The following EED variants were observed in gnomAD, a reference collection of about 807,000 sequenced individuals.
EED encodes the protein embryonic ectoderm development.
EED carries 9 observed loss-of-function variants against 61.0 expected under a neutral mutation model. That is an observed-to-expected ratio of 0.15 (90% CI 0.09 to 0.26). The LOEUF is 0.26. EED is among the 10% of genes least tolerant of loss of function. The pLI, the probability that EED is intolerant of heterozygous loss-of-function variation, is 1.00. For missense variants in EED, 315 were observed against 542.3 expected (o/e 0.58, Z 4.16); for synonymous variants, 187 against 174.4 (o/e 1.07, Z -0.57).
chr11:86,267,683 C>T (rs1162269810), intron 8 of EED, among the ~76,000 whole-genome samples: 2 of 151,904 alleles, frequency 1.3e-5, no homozygotes, highest in Non-Finnish European at 2.9e-5. Flanking sequence ...TCACTGCAAC[C>T]TCTGCCTCGC....
rs1378723828 is a variant in EED at position 86,254,716 on chromosome 11, G to A, written c.361-506G>A. On this transcript the variant is annotated intron_variant, in intron 3 of 11. Coordinates refer to ENST00000263360, the MANE Select transcript of EED (RefSeq NM_003797.5). The stretch of plus-strand genomic sequence containing the variant: ...CGGCTCACTGCAACCTCCGCCTCCC[G>A]GGTTCAAGTGATTCACCAGCCTCAG... Among the ~76,000 whole-genome samples the A allele has an allele frequency of 6.6e-5, 10 of 151,936 alleles. No homozygotes were observed. In the East Asian group the frequency reaches 1.4e-3, roughly 21 times the overall value.
chr11:86,252,446 A>G (rs1419912321), intron 3 of EED, among the ~76,000 whole-genome samples: 2 of 151,576 alleles, frequency 1.3e-5, no homozygotes, highest in African/African-American at 4.8e-5. Flanking sequence ...ATTACCCCTA[A>G]TTATTTATGA....
At chr11:86,256,635 T>A in intron 5 of EED, 123 bp downstream of exon 5, 2 of 1,015,402 alleles carry the variant, frequency 2.0e-6, no homozygotes, top group Non-Finnish European at 2.6e-6. Context: ...TGTACTTTTC[T>A]TACTGCTCTC....
rs776117763 is a variant in EED at position 86,255,276 on chromosome 11, G to A, written c.415G>A (p.Val139Met). 4.4e-6 allele frequency: 7 copies of A among 1,609,190 alleles called. No homozygotes were observed. The highest frequency in any genetic ancestry group is 3.3e-5 in the Admixed American group (2 of 59,960). ...AGAAATCCGGTTGTTGCAATCTTAC[G>A]TGGATGCTGATGTATCCTTTCCTGG... ...QGEIRLLQSYVDADADENFYT... is the reference protein window; with the variant it reads ...QGEIRLLQSYMDADADENFYT... Residue 139 changes from valine (V) to methionine (M), a missense_variant, in exon 4 of 12, where the codon GTG becomes ATG. Around this residue, in one of 2 missense-constraint regions of EED, gnomAD observed 205 missense variants for 455.4 expected, o/e 0.45. Coordinates refer to ENST00000263360, the MANE Select transcript of EED (RefSeq NM_003797.5).
intron 1 of EED, among the ~76,000 whole-genome samples, chr11:86,248,770 G>C (rs769872508): frequency 6.6e-6 from 1 of 152,136 alleles, no homozygotes; most frequent in Non-Finnish European, 1.5e-5. Flanking sequence ...TGTAATCCCA[G>C]CACTTTAGGT....
At chr11:86,271,306 T>G (rs1946106094) in intron 9 of EED, among the ~76,000 whole-genome samples, 1 of 152,202 alleles carries the variant, frequency 6.6e-6, no homozygotes, top group African/African-American at 2.4e-5. Flanking sequence ...TTTTATATTT[T>G]TATTTTCCAT....
chr11:86,268,594 C>CAT lies in EED; in HGVS notation c.966+33_966+34insAT. On this transcript the variant is annotated intron_variant, in intron 9 of 11. Coordinates refer to ENST00000263360, the MANE Select transcript of EED (RefSeq NM_003797.5). ...AACTGCAGTTAAGCTGTACTTCCAT[C>CAT]GTGTGTGTGTGTGTGTGTGTGTGTG... 3.7e-6 allele frequency: 3 copies of CAT among 819,598 alleles called. No individual in the cohort carries two copies. In the Admixed American group the frequency reaches 7.2e-5, roughly 20 times the overall value. 50.8% of individuals were successfully genotyped at this position (819,598 alleles called of 1,614,324 possible).
chr11:86,265,275 A>C (rs183635123), intron 7 of EED: 3 of 152,324 alleles, frequency 2.0e-5, no homozygotes, highest in Non-Finnish European at 2.9e-5. Context: ...GGATTAACAT[A>C]TAGTATCTAG....
chr11:86,266,663 T>C (rs1357424532), intron 8 of EED, among the ~76,000 whole-genome samples: 1 of 152,108 alleles, frequency 6.6e-6, no homozygotes, highest in African/African-American at 2.4e-5. Flanking sequence ...TTCATGATAA[T>C]GTTTTTCCCT....
At chr11:86,281,900 T>C (rs1272893520), downstream of EED, among the ~76,000 whole-genome samples, 1 of 152,210 alleles carries the variant, frequency 6.6e-6, no homozygotes, top group Non-Finnish European at 1.5e-5. Flanking sequence ...CACAGTGTCT[T>C]AGGAAAGATA....
At chr11:86,278,199 A>AT in intron 11 of EED, 200 bp from the exon 12 acceptor site, 1 of 1,320,986 alleles carries the variant, frequency 7.6e-7, no homozygotes, top group Non-Finnish European at 9.7e-7. Context: ...GTTTTTATAC[A>AT]AATTATGTAG....
chr11:86,272,511 G>A (rs554018385), intron 9 of EED, among the ~76,000 whole-genome samples: 4 of 152,178 alleles, frequency 2.6e-5, no homozygotes, highest in East Asian at 1.9e-4. Context: ...TGTTGTATAA[G>A]TGTTTAATTG....
chr11:86,252,514 C>CTT lies in EED; in HGVS notation c.360+288_360+289dup, dbSNP rs369772003. ...ATACTTGGTTGAAAGAATTGGCGTC[C>CTT]TTTTTTTTTTTTTTTAATTGGCGTT... On this transcript the variant is annotated intron_variant, in intron 3 of 11. Coordinates refer to ENST00000263360, the MANE Select transcript of EED (RefSeq NM_003797.5). Among the ~76,000 whole-genome samples the CTT allele has an allele frequency of 4.6e-4, 63 of 138,184 alleles. 1 individual carries two copies. The highest frequency in any genetic ancestry group is 4.2e-4 in the East Asian group (2 of 4,738). 90.7% of individuals were successfully genotyped at this position (138,184 alleles called of 152,430 possible). A position where few individuals can be genotyped will look rare whatever the true frequency, so the allele number is the denominator to read the frequency against.
At chr11:86,248,198 A>G (rs190019767) in intron 1 of EED, among the ~76,000 whole-genome samples, 4 of 152,348 alleles carry the variant, frequency 2.6e-5, no homozygotes, top group African/African-American at 4.8e-5. Context: ...CACCCTGTAC[A>G]TATATTAGAC....
chr11:86,248,491 G>A (rs1233896084), intron 1 of EED, among the ~76,000 whole-genome samples: 1 of 152,156 alleles, frequency 6.6e-6, no homozygotes, highest in African/African-American at 2.4e-5. Flanking sequence ...AGAAAAAATG[G>A]CAAGTGAACA....
chr11:86,271,716 G>A (rs955619122), intron 9 of EED, among the ~76,000 whole-genome samples: 2 of 152,052 alleles, frequency 1.3e-5, no homozygotes, highest in East Asian at 3.9e-4. Context: ...TTTGTCAAAT[G>A]CTTTTTCTTC....
intron 10 of EED, 147 bp from the exon 11 acceptor site, chr11:86,277,764 CGAATCAG>C: frequency 3.8e-6 from 2 of 520,590 alleles, no homozygotes; most frequent in South Asian, 1.3e-4. Context: ...TTCATATTTA[CGAATCAG>C]GAGTATAAGA....
At chr11:86,258,649 G>A (rs986679776) in intron 6 of EED, among the ~76,000 whole-genome samples, 3 of 149,660 alleles carry the variant, frequency 2.0e-5, no homozygotes, top group East Asian at 2.0e-4. Context: ...TCTGCCTCCC[G>A]GGTTTAAGAG....
chr11:86,260,416 A>G lies in EED; in HGVS notation c.634+2820A>G, dbSNP rs555239244. ...TAATTTTTAAAAATTTTTTGTAGAG[A>G]TACGGTTTCATTATGTTGTCCAACC... is the stretch of plus-strand genomic sequence containing the variant. On this transcript the variant is annotated intron_variant, in intron 6 of 11. Coordinates refer to ENST00000263360, the MANE Select transcript of EED (RefSeq NM_003797.5). Among the ~76,000 whole-genome samples, 28 of 151,946 alleles carry G rather than the reference A, an allele frequency of 1.8e-4. No homozygotes were observed. The South Asian group carries it at 3.5e-3, about 19-fold the overall frequency.
Sources: allele counts gnomAD v4.1 joint callset (sites outside exome capture counted in the v4.1 genomes callset), GRCh38; gene constraint gnomAD v4.1.1; regional missense constraint gnomAD v4.1.1; transcripts MANE v1.5; gene names NCBI Gene and HGNC (gene_info 2026-07-23, HGNC 2026-07-21).